The following STAG1 variants were observed in gnomAD, a reference collection of about 807,000 sequenced individuals.
The protein encoded by STAG1 is cohesin subunit SA-1.
Under a neutral mutation model 170.9 loss-of-function variants are expected in STAG1, and 26 were observed. That is an observed-to-expected ratio of 0.15 (90% CI 0.11 to 0.21). The LOEUF (loss-of-function observed/expected upper bound fraction) is 0.21, where lower values mean the gene tolerates loss of function less well. Among genes scored for constraint, STAG1 ranks in the 10% least tolerant of loss-of-function variants. The pLI, the probability that STAG1 is intolerant of heterozygous loss-of-function variation, is 1.00. For synonymous variants in STAG1, 514 were observed against 497.7 expected, an observed-to-expected ratio of 1.03 and a Z score of -0.44; for missense variants, 964 against 1,509.5, an observed-to-expected ratio of 0.64 and a Z score of 5.99.
In STAG1 at chr3:136,503,385, T is replaced by C. The variant is rs1327481496; in HGVS notation, c.677-606A>G. Among the ~76,000 whole-genome samples, 3 of 152,342 alleles carry C rather than the reference T, an allele frequency of 2.0e-5. No homozygotes were observed. In the East Asian group the frequency reaches 5.8e-4, roughly 29 times the overall value. On this transcript the variant is annotated intron_variant, in intron 7 of 33. Coordinates refer to ENST00000383202, the MANE Select transcript of STAG1 (RefSeq NM_005862.3). ...GACCTATCCTCCCCAGCCACAGTGA[T>C]AATGTACTTTTAAACGTTCACTTGT...
chr3:136,673,627 T>G (rs986406698), intron 1 of STAG1, among the ~76,000 whole-genome samples: 5 of 152,166 alleles, frequency 3.3e-5, no homozygotes, highest in African/African-American at 1.2e-4. Context: ...TGTCAACCTG[T>G]TATCATAACA....
rs560956361 is a variant in STAG1 at position 136,484,272 on chromosome 3, C to G, written c.903-6860G>C. ...ATGGGTTTTCTGTTAGATGTCCTTT[C>G]TGGTTGTTAGTTTTCCTTCTAACAG... On this transcript the variant is annotated intron_variant, in intron 9 of 33. Transcript: ENST00000383202. Among the ~76,000 whole-genome samples the G allele has an allele frequency of 1.2e-3, 190 of 152,070 alleles. 1 individual carries two copies. Among genetic ancestry groups the G allele is most frequent in the Non-Finnish European group, 2.1e-3 (144 of 67,996 alleles).
intron 21 of STAG1, among the ~76,000 whole-genome samples, chr3:136,409,934 A>G (rs2087578998): frequency 6.6e-6 from 1 of 151,548 alleles, no homozygotes; most frequent in South Asian, 2.1e-4. Flanking sequence ...TCTTTTAAAA[A>G]ATTAGCTGCG....
chr3:136,710,577 T>C (rs1943356039), intron 1 of STAG1, among the ~76,000 whole-genome samples: 1 of 152,206 alleles, frequency 6.6e-6, no homozygotes, highest in Admixed American at 6.6e-5. Flanking sequence ...AAGATTGCAA[T>C]GTGCATACTG....
chr3:136,491,319 T>G (rs1369471823), intron 9 of STAG1, among the ~76,000 whole-genome samples: 1 of 152,150 alleles, frequency 6.6e-6, no homozygotes, highest in Non-Finnish European at 1.5e-5. Context: ...TTTAAAGGAC[T>G]GGTGAAGTAT....
intron 3 of STAG1, among the ~76,000 whole-genome samples, chr3:136,611,295 A>C (rs1334921735): frequency 1.3e-5 from 2 of 151,790 alleles, no homozygotes; most frequent in African/African-American, 4.8e-5. Flanking sequence ...GATTACAAGC[A>C]TGCGCCACCA....
chr3:136,559,236 T>A (rs564714630), intron 5 of STAG1, among the ~76,000 whole-genome samples: 2 of 152,128 alleles, frequency 1.3e-5, no homozygotes, highest in East Asian at 3.8e-4. Flanking sequence ...TACTGATTAA[T>A]ATATAATAAA....
At chr3:136,749,186 TAATC>T (rs1245240701) in intron 1 of STAG1, among the ~76,000 whole-genome samples, 3 of 152,180 alleles carry the variant, frequency 2.0e-5, no homozygotes, top group Non-Finnish European at 4.4e-5. Context: ...TTAAGGCCCT[TAATC>T]AGTTAAGTTT....
intron 1 of STAG1, among the ~76,000 whole-genome samples, chr3:136,731,076 T>C (rs1023320910): frequency 1.3e-5 from 2 of 152,194 alleles, no homozygotes; most frequent in African/African-American, 2.4e-5. Flanking sequence ...CCTTTGCATA[T>C]ATACACTGTA....
chr3:136,705,628 TGGTTTTATAAAGAAGAGCTTTC>T lies in STAG1; in HGVS notation c.-84+46545_-84+46566del, dbSNP rs148436063. On this transcript the variant is annotated intron_variant, in intron 1 of 33. Coordinates refer to ENST00000383202, the MANE Select transcript of STAG1 (RefSeq NM_005862.3). ...TGAATATAAGTCTCATGAGATCTGA[TGGTTTTATAAAGAAGAGCTTTC>T]CTGCACATGCTCTCTTTGCCTATTG... is the stretch of plus-strand genomic sequence containing the variant. 8.8e-3 allele frequency among the ~76,000 whole-genome samples: 1,346 copies of T among 152,228 alleles called. 36 individuals are homozygous for T. Among genetic ancestry groups the T allele is most frequent in the East Asian group, 0.04 (207 of 5,170 alleles).
At chr3:136,541,538 T>TCACACACACACACACACTCTCACACACA (rs34969907) in intron 6 of STAG1, among the ~76,000 whole-genome samples, 1 of 123,122 alleles carries the variant, frequency 8.1e-6, no homozygotes, top group Non-Finnish European at 1.7e-5. Context: ...AGCTTAACAT[T>TCACACACACACACACACTCTCACACACA]CACACACACA....
chr3:136,484,988 G>A (rs531470170), intron 9 of STAG1, among the ~76,000 whole-genome samples: 76 of 152,310 alleles, frequency 5.0e-4, no homozygotes, highest in African/African-American at 1.8e-3. Flanking sequence ...GCACTCCCTA[G>A]TGAGATGAAC....
chr3:136,523,603 A>T (rs1354741255), intron 6 of STAG1, among the ~76,000 whole-genome samples: 2 of 152,036 alleles, frequency 1.3e-5, no homozygotes, highest in Non-Finnish European at 2.9e-5. Flanking sequence ...GTTTAATTAG[A>T]TCCCATTTGT....
chr3:136,430,765 G>C (rs918580681), intron 16 of STAG1, among the ~76,000 whole-genome samples: 5 of 145,126 alleles, frequency 3.4e-5, no homozygotes, highest in African/African-American at 1.3e-4. Context: ...ATAATTTCAT[G>C]TTCTTTCAAG....
intron 1 of STAG1, among the ~76,000 whole-genome samples, chr3:136,703,009 A>G (rs1943125944): frequency 6.8e-6 from 1 of 148,046 alleles, no homozygotes; most frequent in African/African-American, 2.5e-5. Flanking sequence ...CACAGGTTGC[A>G]GTGAGCTGAT....
At chr3:136,692,074 G>A (rs1295301453) in intron 1 of STAG1, among the ~76,000 whole-genome samples, 1 of 152,080 alleles carries the variant, frequency 6.6e-6, no homozygotes, top group Non-Finnish European at 1.5e-5. Flanking sequence ...CAGTACTTTG[G>A]GAGGCTGAGG....
intron 1 of STAG1, among the ~76,000 whole-genome samples, chr3:136,727,670 G>A (rs896671455): frequency 6.6e-6 from 1 of 152,164 alleles, no homozygotes; most frequent in African/African-American, 2.4e-5. Context: ...TAACAGGTTA[G>A]TTATTCAAAT....
In STAG1 at chr3:136,345,918, C is replaced by CA. The variant is rs370993408; in HGVS notation, c.3272-1913dup. Among the ~76,000 whole-genome samples, 44 of 152,290 alleles carry CA rather than the reference C, an allele frequency of 2.9e-4. No individual in the cohort carries two copies. The East Asian group carries it at 5.8e-3, about 20-fold the overall frequency. ...CACTACTCAATCTCTTCTTAGTTAA[C>CA]AAAGACACATTTCATCATCTTCTAT... On this transcript the variant is annotated intron_variant, in intron 29 of 33. Transcript: ENST00000383202.
chr3:136,411,180 A>C (rs941889914), intron 21 of STAG1, among the ~76,000 whole-genome samples: 2 of 152,236 alleles, frequency 1.3e-5, no homozygotes, highest in Non-Finnish European at 2.9e-5. Context: ...TTCTATGGCA[A>C]ATACTATTTA....
Sources: allele counts gnomAD v4.1 joint callset (sites outside exome capture counted in the v4.1 genomes callset), GRCh38; gene constraint gnomAD v4.1.1; transcripts MANE v1.5; gene names NCBI Gene and HGNC (gene_info 2026-07-23, HGNC 2026-07-21).